Variants in BCAS3 observed in about 807,000 individuals in gnomAD.
The protein encoded by BCAS3 is BCAS3 microtubule associated cell migration factor, also known as BCAS4/BCAS3 fusion.
BCAS3 carries 53 observed loss-of-function variants against 116.1 expected under a neutral mutation model. The ratio of observed to expected loss-of-function variants is 0.46; its 90% CI spans 0.37 to 0.57. BCAS3 has a LOEUF of 0.57. Among genes scored for constraint, BCAS3 ranks in the 20% least tolerant of loss-of-function variants. The probability of loss-of-function intolerance (pLI) is 0.00; values close to 1 mark genes in which losing one functional copy is unlikely to be tolerated. For synonymous variants in BCAS3, 391 were observed against 408.2 expected (o/e 0.96, Z 0.51); for missense variants, 917 against 1,165.4 (o/e 0.79, Z 3.10).
At chr17:60,811,323 A>C in intron 7 of BCAS3, 1 of 714,080 alleles carries the variant, frequency 1.4e-6, no homozygotes, top group South Asian at 1.4e-5. Context: ...CACCTGCTGG[A>C]AGATGGTGAG....
At chr17:61,109,676 T>C (rs1049389618) in intron 22 of BCAS3, among the ~76,000 whole-genome samples, 1 of 152,238 alleles carries the variant, frequency 6.6e-6, no homozygotes, top group African/African-American at 2.4e-5. Context: ...GTGGTTTTGA[T>C]TTGCGTTTCC....
At chr17:61,297,562 C>A (rs752389859) in intron 22 of BCAS3, among the ~76,000 whole-genome samples, 65 of 152,084 alleles carry the variant, frequency 4.3e-4, no homozygotes, top group Non-Finnish European at 8.5e-4. Context: ...ATTAAAGCAG[C>A]AGTCAGCGGG....
rs1229388069 is a variant in BCAS3 at position 61,325,873 on chromosome 17, T to C, written c.2426-42454T>C. On this transcript the variant is annotated intron_variant, in intron 22 of 23. Transcript: ENST00000407086. This position sits in a 1 kb window ranked among gnomAD's most constrained non-coding sequence, Gnocchi z 6.4. ...ATCTGGGACCCAGTCATGCTGAATG[T>C]TTCTCTCACTAGAGACTCACTGTAT... Among the ~76,000 whole-genome samples the C allele has an allele frequency of 1.3e-5, 2 of 152,176 alleles. No homozygotes were observed. The highest frequency in any genetic ancestry group is 2.9e-5 in the Non-Finnish European group (2 of 68,026).
intron 14 of BCAS3, among the ~76,000 whole-genome samples, chr17:60,950,750 TGTTGAA>T (rs1241935474): frequency 6.6e-6 from 1 of 152,218 alleles, no homozygotes; most frequent in African/African-American, 2.4e-5. Flanking sequence ...GAGCGTTAAT[TGTTGAA>T]GTTGAATGAT....
intron 11 of BCAS3, among the ~76,000 whole-genome samples, chr17:60,907,988 C>T (rs1243059709): frequency 2.6e-5 from 4 of 152,154 alleles, no homozygotes; most frequent in Non-Finnish European, 5.9e-5. Flanking sequence ...TTTACAAATG[C>T]AGAAAACTTC....
At chr17:61,292,681 G>T (rs974184491) in intron 22 of BCAS3, among the ~76,000 whole-genome samples, 1 of 151,990 alleles carries the variant, frequency 6.6e-6, no homozygotes, top group Non-Finnish European at 1.5e-5. Context: ...TGAGGGGTGA[G>T]GGGTCCTTTA....
rs1375686653 is a variant in BCAS3 at position 61,097,421 on chromosome 17, G to A, written c.2425+12857G>A. Among the ~76,000 whole-genome samples, 5 of 152,100 alleles carry A rather than the reference G, an allele frequency of 3.3e-5. No individual in the cohort carries two copies. Among genetic ancestry groups the A allele is most frequent in the African/African-American group, 1.2e-4 (5 of 41,438 alleles). ...TCTCGATCTCCTGACCTTGTGATCC[G>A]CCTGCCTCGGCCTCCCAAAGTGCTG... On this transcript the variant is annotated intron_variant, in intron 22 of 23. Transcript: ENST00000407086. This position sits in a 1 kb window ranked among gnomAD's most constrained non-coding sequence, Gnocchi z 4.0.
At chr17:60,689,488 A>G (rs188924869) in intron 3 of BCAS3, among the ~76,000 whole-genome samples, 198 bp from the exon 4 acceptor site, 80 of 151,872 alleles carry the variant, frequency 5.3e-4, no homozygotes, top group Non-Finnish European at 1.0e-3. Context: ...TAAGTTAAAA[A>G]CTCTTTTGAC....
intron 12 of BCAS3, among the ~76,000 whole-genome samples, chr17:60,916,946 A>G (rs1480456417): frequency 6.6e-6 from 1 of 152,194 alleles, no homozygotes; most frequent in Non-Finnish European, 1.5e-5. Context: ...AGAAATTGGG[A>G]CCCTTCTAAC....
chr17:60,686,530 AT>A (rs573663309), intron 3 of BCAS3, among the ~76,000 whole-genome samples: 34 of 146,864 alleles, frequency 2.3e-4, no homozygotes, highest in African/African-American at 2.2e-4. Flanking sequence ...TATTTATTTA[AT>A]TTTTTTTTTT....
chr17:60,770,834 GT>G lies in BCAS3; in HGVS notation c.403+23586del, dbSNP rs60854011. 4.7e-3 allele frequency among the ~76,000 whole-genome samples: 359 copies of G among 76,730 alleles called. 6 individuals are homozygous for G. Among genetic ancestry groups the G allele is most frequent in the East Asian group, 0.045 (62 of 1,378 alleles). The allele number at this position is 76,730 out of a possible 152,430, so 50.3% of individuals were successfully genotyped here. On this transcript the variant is annotated intron_variant, in intron 6 of 23. Transcript: ENST00000407086. ...GATCTTGAACCTAAAACTGAAATTTGTTTTTTTTTTTTTTTTTTTTTTTTTT... is the reference window on the plus strand; with the variant it reads ...GATCTTGAACCTAAAACTGAAATTTGTTTTTTTTTTTTTTTTTTTTTTTTT...
At position 60,975,292 on chromosome 17, in the gene BCAS3, C is replaced by T. The variant is rs377285472; in HGVS notation, c.1222-14679C>T. On this transcript the variant is annotated intron_variant, in intron 14 of 23. Coordinates refer to ENST00000407086, the MANE Select transcript of BCAS3 (RefSeq NM_017679.5). ...CTGGGATTACAGGCGTGAGCCACCG[C>T]GCCCGGCCTCAAGCCATTTGTTTAA... 1.4e-4 allele frequency among the ~76,000 whole-genome samples: 21 copies of T among 152,248 alleles called. No homozygotes were observed. The East Asian group carries it at 2.7e-3, about 20-fold the overall frequency.
In BCAS3 at chr17:61,235,094, C is replaced by A. The variant is rs1426826644; in HGVS notation, c.2426-133233C>A. Among the ~76,000 whole-genome samples the A allele has an allele frequency of 2.0e-5, 3 of 152,132 alleles. No homozygotes were observed. Among genetic ancestry groups the A allele is most frequent in the Non-Finnish European group, 1.5e-5 (1 of 68,022 alleles). Reference sequence around the variant, plus strand: ...TAGAGACAGGGTTTCACCACATTGGCCGGGCTGGTCTCAAACTCCTGACCT... The same window carrying A: ...TAGAGACAGGGTTTCACCACATTGGACGGGCTGGTCTCAAACTCCTGACCT... On this transcript the variant is annotated intron_variant, in intron 22 of 23. Transcript: ENST00000407086. This position sits in a 1 kb window ranked among gnomAD's most constrained non-coding sequence, Gnocchi z 5.0.
At position 61,239,632 on chromosome 17, in the gene BCAS3, T is replaced by C. The variant is rs1446781948; in HGVS notation, c.2426-128695T>C. Among the ~76,000 whole-genome samples, 1 of 152,242 alleles carries C rather than the reference T, an allele frequency of 6.6e-6. No individual in the cohort carries two copies. The highest frequency in any genetic ancestry group is 1.5e-5 in the Non-Finnish European group (1 of 68,036). On this transcript the variant is annotated intron_variant, in intron 22 of 23. Coordinates refer to ENST00000407086, the MANE Select transcript of BCAS3 (RefSeq NM_017679.5). The surrounding 1 kb of genome is among the most constrained non-coding windows in gnomAD (Gnocchi z 4.2). Reference sequence around the variant, plus strand: ...TTAATGTTTTAGGAGTAGCAGAGGATAACATGCAACTGTTAAGATCTAGAT... The same window carrying C: ...TTAATGTTTTAGGAGTAGCAGAGGACAACATGCAACTGTTAAGATCTAGAT...
At chr17:61,081,828 A>G (rs1445216768) in intron 21 of BCAS3, among the ~76,000 whole-genome samples, 1 of 152,188 alleles carries the variant, frequency 6.6e-6, no homozygotes, top group Admixed American at 6.5e-5. Flanking sequence ...TCTGATTTCT[A>G]CACGCCTGTG....
At position 61,332,914 on chromosome 17, in the gene BCAS3, C is replaced by T. The variant is rs192486967; in HGVS notation, c.2426-35413C>T. On this transcript the variant is annotated intron_variant, in intron 22 of 23. Coordinates refer to ENST00000407086, the MANE Select transcript of BCAS3 (RefSeq NM_017679.5). The surrounding 1 kb of genome is among the most constrained non-coding windows in gnomAD (Gnocchi z 5.4). The stretch of plus-strand genomic sequence containing the variant: ...TATAGGCGTGAGCCATGGCACCCGG[C>T]CTATCCCCATCTTAAAAAGGAGGCA... Among the ~76,000 whole-genome samples, 1 of 152,326 alleles carries T rather than the reference C, an allele frequency of 6.6e-6. No individual in the cohort carries two copies. The highest frequency in any genetic ancestry group is 6.5e-5 in the Admixed American group (1 of 15,300).
intron 22 of BCAS3, among the ~76,000 whole-genome samples, chr17:61,158,009 G>A (rs1047432628): frequency 3.3e-5 from 5 of 152,006 alleles, no homozygotes; most frequent in African/African-American, 4.8e-5. Flanking sequence ...TACCATGTAT[G>A]ACTAGTTTTC....
chr17:60,753,303 A>G (rs1359921245), intron 6 of BCAS3, among the ~76,000 whole-genome samples: 1 of 151,866 alleles, frequency 6.6e-6, no homozygotes, highest in African/African-American at 2.4e-5. Context: ...ATCCTTCTGT[A>G]TTTTATTATG....
At chr17:60,923,622 A>G (rs1169896458) in intron 12 of BCAS3, among the ~76,000 whole-genome samples, 2 of 152,208 alleles carry the variant, frequency 1.3e-5, no homozygotes, top group African/African-American at 2.4e-5. Flanking sequence ...CTCTGTGTCT[A>G]AATATTATGA....
Sources: allele counts gnomAD v4.1 joint callset (sites outside exome capture counted in the v4.1 genomes callset), GRCh38; gene constraint gnomAD v4.1.1; non-coding constraint Gnocchi (gnomAD v3.1); transcripts MANE v1.5; gene names NCBI Gene and HGNC (gene_info 2026-07-23, HGNC 2026-07-21).